Variants in SATB2 observed in about 807,000 individuals in gnomAD.
SATB2 encodes SATB homeobox 2.
In SATB2, 1 loss-of-function variant was observed where a neutral mutation model predicts 73.4. The observed-to-expected ratio is 0.01, with a 90% confidence interval of 0.00 to 0.06. The LOEUF (loss-of-function observed/expected upper bound fraction) is 0.06, where lower values mean the gene tolerates loss of function less well. Ranked by LOEUF, SATB2 falls within the 10% of genes least tolerant of loss-of-function variation. SATB2 has a pLI of 1.00. For missense variants in SATB2, 459 were observed against 945.8 expected (o/e 0.49, Z 6.75); for synonymous variants, 397 against 367.0 (o/e 1.08, Z -0.93).
At chr2:199,359,561 T>TA (rs1314119590) in intron 6 of SATB2, among the ~76,000 whole-genome samples, 2 of 152,174 alleles carry the variant, frequency 1.3e-5, no homozygotes, top group Non-Finnish European at 2.9e-5. Context: ...ATAATATGTG[T>TA]AAAAATAAAA....
chr2:199,286,297 C>T (rs1424813617), intron 10 of SATB2, among the ~76,000 whole-genome samples: 1 of 152,148 alleles, frequency 6.6e-6, no homozygotes, highest in Non-Finnish European at 1.5e-5. Flanking sequence ...AATCCACTCT[C>T]CAGTTAGAAC....
chr2:199,398,994 G>A (rs1690387039), intron 3 of SATB2, among the ~76,000 whole-genome samples: 1 of 152,156 alleles, frequency 6.6e-6, no homozygotes, highest in Admixed American at 6.5e-5. Context: ...ATTTAGGCTG[G>A]GCACAGTAGC....
At chr2:199,273,013 A>G (rs1016557431) in intron 10 of SATB2, among the ~76,000 whole-genome samples, 7 of 152,130 alleles carry the variant, frequency 4.6e-5, no homozygotes, top group African/African-American at 1.7e-4. Flanking sequence ...CTAACGACAA[A>G]GAAATTGGGC....
rs1692247845 is a variant in SATB2 at position 199,455,558 on chromosome 2, TTAAATCAC to T, written c.169+303_169+310del. Among the ~76,000 whole-genome samples the T allele has an allele frequency of 6.6e-6, 1 of 151,962 alleles. No individual in the cohort carries two copies. The highest frequency in any genetic ancestry group is 2.1e-4 in the South Asian group (1 of 4,810). ...GACACTCCGAGGCAAGGCAAAAGAG[TTAAATCAC>T]TAAAAAGCTCTCTAGGAAAATCTAG... On this transcript the variant is annotated intron_variant, in intron 2 of 10. Transcript: ENST00000417098. The surrounding 1 kb of genome is among the most constrained non-coding windows in gnomAD (Gnocchi z 4.1).
chr2:199,351,821 A>C (rs548703246), intron 6 of SATB2, among the ~76,000 whole-genome samples: 58 of 152,162 alleles, frequency 3.8e-4, no homozygotes, highest in Non-Finnish European at 7.5e-4. Flanking sequence ...CAGATATTAA[A>C]TTATGTTTTC....
intron 2 of SATB2, among the ~76,000 whole-genome samples, chr2:199,434,185 T>C (rs1308711649): frequency 6.6e-6 from 1 of 152,136 alleles, no homozygotes; most frequent in African/African-American, 2.4e-5. Context: ...AACATCTTAA[T>C]TTACATTTAT....
At chr2:199,288,009 G>C (rs1002827944) in intron 10 of SATB2, among the ~76,000 whole-genome samples, 32 of 152,068 alleles carry the variant, frequency 2.1e-4, no homozygotes, top group Non-Finnish European at 4.1e-4. Flanking sequence ...ATTTCTTTTA[G>C]TGTGAATAAA....
At chr2:199,444,603 T>C (rs1333467128) in intron 2 of SATB2, among the ~76,000 whole-genome samples, 1 of 152,192 alleles carries the variant, frequency 6.6e-6, no homozygotes, top group Non-Finnish European at 1.5e-5. Flanking sequence ...AACAGTTCTA[T>C]TCTGACAAGC....
intron 10 of SATB2, among the ~76,000 whole-genome samples, chr2:199,282,160 C>T (rs1245293287): frequency 1.3e-5 from 2 of 152,164 alleles, no homozygotes; most frequent in South Asian, 4.1e-4. Flanking sequence ...GGATTACAGG[C>T]GTAAACCACT....
At chr2:199,466,443 G>A (rs1275086347), upstream of SATB2, among the ~76,000 whole-genome samples, 1 of 152,142 alleles carries the variant, frequency 6.6e-6, no homozygotes, top group Admixed American at 6.5e-5. Context: ...TGAGCTCTTG[G>A]TGACCAGCCC....
Position 199,349,001 on chromosome 2 carries a change from G to A in SATB2, c.873C>T (p.Pro291=). The A allele has an allele frequency of 6.2e-7, 1 of 1,614,130 alleles. No homozygotes were observed. The highest frequency in any genetic ancestry group is 8.5e-7 in the Non-Finnish European group (1 of 1,179,986). ...PIRNQVPALQ[P]IMSPGLLSPQ... is the part of the protein sequence containing the mutation. Reference sequence around the variant, plus strand: ...GAGAAAGAAGACCAGGGCTCATGATGGGCTGTAATGCGGGCACTTGGTTTC... The same window carrying A: ...GAGAAAGAAGACCAGGGCTCATGATAGGCTGTAATGCGGGCACTTGGTTTC... Residue 291 remains proline, a synonymous_variant, in exon 7 of 11, where the codon CCC becomes CCT. Coordinates refer to ENST00000417098, the MANE Select transcript of SATB2 (RefSeq NM_001172509.2).
chr2:199,371,447 C>T (rs1689444202), intron 5 of SATB2, among the ~76,000 whole-genome samples: 1 of 151,858 alleles, frequency 6.6e-6, no homozygotes, highest in Non-Finnish European at 1.5e-5. Context: ...CCTGGGACAC[C>T]GAGAATCTAT....
At chr2:199,363,301 A>G (rs1001520018) in intron 6 of SATB2, among the ~76,000 whole-genome samples, 1 of 152,266 alleles carries the variant, frequency 6.6e-6, no homozygotes, top group Non-Finnish European at 1.5e-5. Flanking sequence ...GGTGGCTGAC[A>G]GTAGAAATGA....
chr2:199,380,982 G>C (rs1359754278), intron 4 of SATB2, among the ~76,000 whole-genome samples: 1 of 151,858 alleles, frequency 6.6e-6, no homozygotes, highest in African/African-American at 2.4e-5. Flanking sequence ...GAATGCTGGG[G>C]GTCCATATTT....
chr2:199,299,809 T>C (rs906021011), intron 10 of SATB2, among the ~76,000 whole-genome samples: 5 of 152,214 alleles, frequency 3.3e-5, no homozygotes, highest in Admixed American at 3.3e-4. Flanking sequence ...AATTTAATCA[T>C]TTTTTTCCAA....
intron 3 of SATB2, among the ~76,000 whole-genome samples, chr2:199,431,043 G>A (rs1691486091): frequency 1.3e-5 from 2 of 152,180 alleles, no homozygotes; most frequent in Non-Finnish European, 2.9e-5. Context: ...GATTTGCCAG[G>A]AAGTCCCTCA....
At chr2:199,289,465 A>G (rs1692786467) in intron 10 of SATB2, among the ~76,000 whole-genome samples, 1 of 152,152 alleles carries the variant, frequency 6.6e-6, no homozygotes, top group Admixed American at 6.5e-5. Flanking sequence ...TACTCCCACA[A>G]GGCCATTCAG....
intron 7 of SATB2, among the ~76,000 whole-genome samples, chr2:199,332,829 T>A (rs1329175063): frequency 6.6e-6 from 1 of 152,042 alleles, no homozygotes; most frequent in Non-Finnish European, 1.5e-5. Flanking sequence ...AAAATCTACT[T>A]CCAAGTTTTT....
chr2:199,326,698 T>C (rs1334276938), intron 8 of SATB2, among the ~76,000 whole-genome samples: 2 of 152,168 alleles, frequency 1.3e-5, no homozygotes, highest in Non-Finnish European at 2.9e-5. Flanking sequence ...TTGATGAATT[T>C]AGCAGAAGTA....
Sources: allele counts gnomAD v4.1 joint callset (sites outside exome capture counted in the v4.1 genomes callset), GRCh38; gene constraint gnomAD v4.1.1; non-coding constraint Gnocchi (gnomAD v3.1); transcripts MANE v1.5; gene names NCBI Gene and HGNC (gene_info 2026-07-23, HGNC 2026-07-21).